VSNL1: variants seen among roughly 807,000 people sequenced by gnomAD.
VSNL1 encodes the protein visinin-like protein 1.
Under a neutral mutation model 20.4 loss-of-function variants are expected in VSNL1, and 6 were observed. The ratio of observed to expected loss-of-function variants is 0.29; its 90% CI spans 0.16 to 0.58. The LOEUF (loss-of-function observed/expected upper bound fraction) is 0.58, where lower values mean the gene tolerates loss of function less well. Among genes scored for constraint, VSNL1 ranks in the 20% least tolerant of loss-of-function variants. VSNL1 has a pLI of 0.90. For missense variants in VSNL1, 100 were observed against 234.5 expected, an observed-to-expected ratio of 0.43 and a Z score of 3.75; for synonymous variants, 93 against 86.4, an observed-to-expected ratio of 1.08 and a Z score of -0.42.
chr2:17,628,851 T>C (rs568989850), intron 2 of VSNL1, among the ~76,000 whole-genome samples: 45 of 152,322 alleles, frequency 3.0e-4, no homozygotes, highest in Middle Eastern at 3.4e-3. Flanking sequence ...GCTCTCTGCA[T>C]TTAGTTGCTG....
At chr2:17,635,149 A>T (rs1045029615) in intron 2 of VSNL1, among the ~76,000 whole-genome samples, 1 of 152,100 alleles carries the variant, frequency 6.6e-6, no homozygotes, top group Non-Finnish European at 1.5e-5. Context: ...GCCAAAAAGG[A>T]GGAGGAGAAG....
At chr2:17,548,631 A>G (rs1004155216) in intron 1 of VSNL1, among the ~76,000 whole-genome samples, 3 of 152,016 alleles carry the variant, frequency 2.0e-5, no homozygotes, top group African/African-American at 4.8e-5. Flanking sequence ...GCACACCCCA[A>G]TCTTCTTTCC....
Position 17,592,118 on chromosome 2 carries a change from A to T in VSNL1, c.44A>T (p.Asp15Val). 1 of 1,613,890 alleles carries T rather than the reference A, an allele frequency of 6.2e-7. No individual in the cohort carries two copies. The highest frequency in any genetic ancestry group is 8.5e-7 in the Non-Finnish European group (1 of 1,179,828). The change falls in exon 2 of 4, where the codon GAC becomes GTC. Residue 15 changes from aspartate (D) to valine (V), a missense_variant. Coordinates refer to ENST00000295156, the MANE Select transcript of VSNL1 (RefSeq NM_003385.5). ...NSKLAPEVME[D>V]LVKSTEFNEH... ...AAACTGGCCCCTGAAGTGATGGAGG[A>T]CCTGGTGAAGAGCACAGAGTTTAAT...
At chr2:17,635,704 A>G (rs752506926) in intron 2 of VSNL1, among the ~76,000 whole-genome samples, 2 of 152,200 alleles carry the variant, frequency 1.3e-5, no homozygotes, top group Non-Finnish European at 2.9e-5. Flanking sequence ...TAAAACAGGT[A>G]AAAGGACTTT....
intron 3 of VSNL1, among the ~76,000 whole-genome samples, chr2:17,654,565 A>C (rs768843895): frequency 6.6e-6 from 1 of 152,110 alleles, no homozygotes; most frequent in Admixed American, 6.6e-5. Context: ...CATTATTTCT[A>C]ATCTCACCAT....
At chr2:17,609,396 A>G (rs1382254087) in intron 2 of VSNL1, among the ~76,000 whole-genome samples, 1 of 152,188 alleles carries the variant, frequency 6.6e-6, no homozygotes, top group African/African-American at 2.4e-5. Flanking sequence ...AGTAGCCTTC[A>G]TTTTGGTTGG....
rs1666079910 is a variant in VSNL1, at chr2:17,649,622, C to T, written c.375C>T (p.Ile125=). The T allele has an allele frequency of 3.1e-6, 5 of 1,613,990 alleles. No individual in the cohort carries two copies. The highest frequency in any genetic ancestry group is 1.3e-5 in the African/African-American group (1 of 75,018). Residue 125 remains isoleucine, a synonymous_variant, in exon 3 of 4, where the codon ATC becomes ATT. Transcript: ENST00000295156. This position sits in a 1 kb window ranked among gnomAD's most constrained non-coding sequence, Gnocchi z 6.4. ...KITRVEMLEI[I]EAIYKMVGTV... ...CCCGAGTGGAGATGCTGGAGATCAT[C>T]GAGGTGAGGCCCGGGGTGTGGTTGG... is the stretch of plus-strand genomic sequence containing the variant.
At chr2:17,638,072 T>G (rs1485154613) in intron 2 of VSNL1, among the ~76,000 whole-genome samples, 2 of 152,182 alleles carry the variant, frequency 1.3e-5, no homozygotes, top group Non-Finnish European at 2.9e-5. Context: ...ATACTAGTAG[T>G]AGAATTGAGA....
chr2:17,618,984 G>A (rs975550274), intron 2 of VSNL1, among the ~76,000 whole-genome samples: 2 of 152,096 alleles, frequency 1.3e-5, no homozygotes, highest in African/African-American at 2.4e-5. Context: ...TGGTGGGGTC[G>A]GGGTTGGGAA....
intron 1 of VSNL1, among the ~76,000 whole-genome samples, chr2:17,557,799 C>G (rs1663722026): frequency 6.6e-6 from 1 of 152,184 alleles, no homozygotes; most frequent in African/African-American, 2.4e-5. Flanking sequence ...GGGAAGCTTA[C>G]CCTCTGATGC....
chr2:17,650,176 T>A (rs1229568208), intron 3 of VSNL1, among the ~76,000 whole-genome samples: 2 of 152,214 alleles, frequency 1.3e-5, no homozygotes, highest in African/African-American at 4.8e-5. Context: ...CCTCTCTCTC[T>A]GCCCAGCATG....
chr2:17,597,230 C>T (rs568306419), intron 2 of VSNL1, among the ~76,000 whole-genome samples: 26 of 152,360 alleles, frequency 1.7e-4, no homozygotes, highest in South Asian at 1.0e-3. Flanking sequence ...AAGCACAAAC[C>T]CTTCCCCAGC....
chr2:17,551,937 C>G (rs558155166), intron 1 of VSNL1, among the ~76,000 whole-genome samples: 36 of 149,462 alleles, frequency 2.4e-4, no homozygotes, highest in Non-Finnish European at 4.9e-4. Flanking sequence ...GGTGGCTCAC[C>G]CCTGTAATCC....
Position 17,596,224 on chromosome 2 carries a change from G to A in VSNL1, c.162+3988G>A, listed in dbSNP as rs75808359. ...CAGATGTCTGGAACTCCCTGGACAC[G>A]TAGGGATTTCTGTGTGTCTGGCCAC... On this transcript the variant is annotated intron_variant, in intron 2 of 3. Coordinates refer to ENST00000295156, the MANE Select transcript of VSNL1 (RefSeq NM_003385.5). 8.9e-3 allele frequency among the ~76,000 whole-genome samples: 1,359 copies of A among 152,278 alleles called. 31 individuals are homozygous for A. Among genetic ancestry groups the A allele is most frequent in the African/African-American group, 0.031 (1,284 of 41,544 alleles).
intron 1 of VSNL1, among the ~76,000 whole-genome samples, chr2:17,551,969 C>T (rs1466613874): frequency 3.4e-5 from 5 of 148,706 alleles, no homozygotes; most frequent in Non-Finnish European, 5.9e-5. Context: ...GAGGCCGAGG[C>T]GGGTGGATCA....
intron 2 of VSNL1, among the ~76,000 whole-genome samples, chr2:17,626,392 G>T (rs1448349369): frequency 6.6e-6 from 1 of 152,216 alleles, no homozygotes; most frequent in African/African-American, 2.4e-5. Context: ...AACTGGAAAA[G>T]GTGACAGGAG....
chr2:17,602,768 TA>T (rs146999421), intron 2 of VSNL1, among the ~76,000 whole-genome samples: 86 of 90,468 alleles, frequency 9.5e-4, no homozygotes, highest in African/African-American at 2.1e-3. Flanking sequence ...TAAAATAAAA[TA>T]AAAAAATAAA....
chr2:17,646,445 C>A (rs1252783132), intron 2 of VSNL1, among the ~76,000 whole-genome samples: 1 of 152,210 alleles, frequency 6.6e-6, no homozygotes, highest in Non-Finnish European at 1.5e-5. Flanking sequence ...TCAAATCCAG[C>A]CTCTGCTGCA....
At chr2:17,543,668 T>C (rs983898719) in intron 1 of VSNL1, among the ~76,000 whole-genome samples, 6 of 152,338 alleles carry the variant, frequency 3.9e-5, no homozygotes, top group East Asian at 1.9e-4. Flanking sequence ...AGGAGAGTAG[T>C]GCAGCTTTTT....
Sources: gnomAD v4.1 joint callset for allele counts (sites outside exome capture counted in the v4.1 genomes callset) on GRCh38, gnomAD v4.1.1 for gene constraint, Gnocchi (gnomAD v3.1) non-coding constraint, MANE v1.5 for transcripts, NCBI Gene and HGNC (gene_info 2026-07-23, HGNC 2026-07-21) for gene names.